The following SHANK2 variants were observed in gnomAD, a reference collection of about 807,000 sequenced individuals.
SHANK2 encodes SH3 and multiple ankyrin repeat domains protein 2.
SHANK2 carries 43 observed loss-of-function variants against 133.7 expected under a neutral mutation model. That is an observed-to-expected ratio of 0.32 (90% confidence interval 0.25 to 0.41). The LOEUF (loss-of-function observed/expected upper bound fraction) is 0.41, where lower values mean the gene tolerates loss of function less well. Among genes scored for constraint, SHANK2 ranks in the 10% least tolerant of loss-of-function variants. The pLI, the probability that SHANK2 is intolerant of heterozygous loss-of-function variation, is 1.00. For missense variants in SHANK2, 1,994 were observed against 2,235.8 expected, an observed-to-expected ratio of 0.89 and a Z score of 2.18; for synonymous variants, 1,017 against 952.8, an observed-to-expected ratio of 1.07 and a Z score of -1.24.
intron 10 of SHANK2, among the ~76,000 whole-genome samples, chr11:70,923,521 C>T (rs1950380702): frequency 6.6e-6 from 1 of 152,128 alleles, no homozygotes; most frequent in Admixed American, 6.6e-5. Context: ...GGATCACAGG[C>T]ATGAGCCACT....
chr11:70,599,096 G>C (rs188087064), intron 17 of SHANK2, among the ~76,000 whole-genome samples: 11 of 151,586 alleles, frequency 7.3e-5, no homozygotes, highest in Admixed American at 7.2e-4. Context: ...ATAATCAGTC[G>C]ATAAAAGATG....
chr11:71,185,496 C>A (rs1352320525), intron 2 of SHANK2, among the ~76,000 whole-genome samples: 1 of 152,204 alleles, frequency 6.6e-6, no homozygotes, highest in Non-Finnish European at 1.5e-5. Flanking sequence ...CAAGGTTCCA[C>A]CCTGACCATT....
In SHANK2 at chr11:70,709,970, C is replaced by T. The variant is rs187393197; in HGVS notation, c.1778-11207G>A. On this transcript the variant is annotated intron_variant, in intron 14 of 25. Coordinates refer to ENST00000601538, the MANE Select transcript of SHANK2 (RefSeq NM_012309.5). ...GGACAGGTGGTGAGAACGGTTCCCA[C>T]GGAGAAGTAAAGGAGGATGAACACT... Among the ~76,000 whole-genome samples, 46 of 152,134 alleles carry T rather than the reference C, an allele frequency of 3.0e-4. No homozygotes were observed. In the East Asian group the frequency reaches 5.2e-3, roughly 17 times the overall value.
chr11:71,190,124 A>G (rs11232452), intron 2 of SHANK2, among the ~76,000 whole-genome samples: 5,852 of 152,294 alleles, frequency 0.038, 283 homozygotes, highest in East Asian at 0.16. Flanking sequence ...CCACGACTGA[A>G]AAAGAAACCA....
chr11:70,485,671 A>G lies in SHANK2; in HGVS notation c.4622T>C (p.Val1541Ala). The part of the protein sequence containing the change: ...TVYADGQAFM[V>A]DKPPVPPKPK... The stretch of plus-strand genomic sequence containing the variant: ...CTTAGGAGGTACTGGGGGTTTGTCA[A>G]CCATAAATGCTTGCCCATCTGCATA... The change falls in exon 25 of 26, where the codon GTT becomes GCT. Residue 1541 changes from valine to alanine, a missense_variant. This residue lies in a region of SHANK2 where 797 missense variants were observed against 907.4 expected (regional missense o/e 0.88). Coordinates refer to ENST00000601538, the MANE Select transcript of SHANK2 (RefSeq NM_012309.5). This position sits in a 1 kb window ranked among gnomAD's most constrained non-coding sequence, Gnocchi z 5.8. The G allele has an allele frequency of 6.2e-7, 1 of 1,614,070 alleles. No homozygotes were observed. Among genetic ancestry groups the G allele is most frequent in the Non-Finnish European group, 8.5e-7 (1 of 1,180,014 alleles).
At chr11:70,658,117 AC>A (rs1311920872) in intron 17 of SHANK2, among the ~76,000 whole-genome samples, 9 of 141,210 alleles carry the variant, frequency 6.4e-5, no homozygotes, top group Admixed American at 2.9e-4. Context: ...CTATTTCAAC[AC>A]CCCCCCCACC....
chr11:70,598,070 C>G (rs539598404), intron 17 of SHANK2, among the ~76,000 whole-genome samples: 1 of 152,342 alleles, frequency 6.6e-6, no homozygotes, highest in East Asian at 1.9e-4. Flanking sequence ...TCTGGACACT[C>G]AGGGGTGGAG....
intron 17 of SHANK2, among the ~76,000 whole-genome samples, chr11:70,524,542 C>T (rs2059372056): frequency 6.6e-6 from 1 of 152,226 alleles, no homozygotes; most frequent in Non-Finnish European, 1.5e-5. Context: ...CACCTGACAA[C>T]ACCAGTGGTC....
intron 17 of SHANK2, among the ~76,000 whole-genome samples, chr11:70,548,382 G>C (rs1184230190): frequency 6.6e-6 from 1 of 152,210 alleles, no homozygotes; most frequent in Admixed American, 6.5e-5. Flanking sequence ...GGGAGACTCT[G>C]CTTCTAGGGC....
At chr11:70,792,441 AACC>A (rs1947815381) in intron 14 of SHANK2, among the ~76,000 whole-genome samples, 1 of 152,016 alleles carries the variant, frequency 6.6e-6, no homozygotes, top group Non-Finnish European at 1.5e-5. Context: ...CCAACCAACC[AACC>A]AACGAGGACC....
At chr11:70,636,633 G>A (rs1030864565) in intron 17 of SHANK2, among the ~76,000 whole-genome samples, 2 of 152,076 alleles carry the variant, frequency 1.3e-5, no homozygotes, top group African/African-American at 4.8e-5. Context: ...GTGAGCATGT[G>A]TGCAAATGTG....
At chr11:70,505,762 G>A (rs1235666025) in intron 17 of SHANK2, among the ~76,000 whole-genome samples, 10 of 152,202 alleles carry the variant, frequency 6.6e-5, no homozygotes, top group Non-Finnish European at 1.3e-4. Flanking sequence ...GCGGCCTCCT[G>A]AGGGCTCGTC....
chr11:70,782,834 G>A (rs782594507), intron 14 of SHANK2, among the ~76,000 whole-genome samples: 4 of 152,164 alleles, frequency 2.6e-5, no homozygotes, highest in African/African-American at 2.4e-5. Context: ...TATCATCATC[G>A]CACACGCAGC....
At chr11:71,057,778 G>A (rs1383755364) in intron 9 of SHANK2, among the ~76,000 whole-genome samples, 5 of 150,814 alleles carry the variant, frequency 3.3e-5, no homozygotes, top group Non-Finnish European at 7.4e-5. Context: ...CGAACTCCTG[G>A]GCTCAAGTGA....
chr11:70,671,145 T>G (rs1944795663), intron 15 of SHANK2, among the ~76,000 whole-genome samples: 1 of 152,172 alleles, frequency 6.6e-6, no homozygotes, highest in Non-Finnish European at 1.5e-5. Flanking sequence ...CCCACAAGCA[T>G]TTCCTGAGCA....
intron 17 of SHANK2, among the ~76,000 whole-genome samples, chr11:70,590,241 T>C (rs1021491985): frequency 2.5e-4 from 38 of 152,160 alleles, no homozygotes; most frequent in African/African-American, 8.9e-4. Flanking sequence ...GAAACTTGAA[T>C]GGATGAGGAG....
chr11:71,140,595 G>A (rs868950074), intron 3 of SHANK2, among the ~76,000 whole-genome samples: 1 of 152,216 alleles, frequency 6.6e-6, no homozygotes, highest in Non-Finnish European at 1.5e-5. Flanking sequence ...GAGAGCCTCC[G>A]AGTGTGGGTA....
At chr11:70,661,910 G>A in intron 15 of SHANK2, 1 of 1,171,106 alleles carries the variant, frequency 8.5e-7, no homozygotes, top group Non-Finnish European at 1.2e-6. Flanking sequence ...GTGGGGGCAG[G>A]CAGAGCCGGA....
chr11:70,737,652 G>A (rs1314630429), intron 14 of SHANK2, among the ~76,000 whole-genome samples: 1 of 152,212 alleles, frequency 6.6e-6, no homozygotes, highest in Non-Finnish European at 1.5e-5. Flanking sequence ...GGCAGCCCAG[G>A]CCCCAGTGGG....
Sources: gnomAD v4.1 joint callset for allele counts (sites outside exome capture counted in the v4.1 genomes callset) on GRCh38, gnomAD v4.1.1 for gene constraint, gnomAD v4.1.1 regional missense constraint, Gnocchi (gnomAD v3.1) non-coding constraint, MANE v1.5 for transcripts, NCBI Gene and HGNC (gene_info 2026-07-23, HGNC 2026-07-21) for gene names.